Variants in SCRIB observed in about 807,000 individuals in gnomAD.
The protein encoded by SCRIB is protein scribble homolog.
In SCRIB, 72 loss-of-function variants were observed where a neutral mutation model predicts 170.0. The ratio of observed to expected loss-of-function variants is 0.42; its 90% confidence interval spans 0.35 to 0.52. SCRIB has a LOEUF of 0.52. Ranked by LOEUF, SCRIB falls within the 20% of genes least tolerant of loss-of-function variation. SCRIB has a pLI of 0.02. For synonymous variants in SCRIB, 1,298 were observed against 1,044.3 expected (o/e 1.24, Z -4.68); for missense variants, 2,475 against 2,338.5 (o/e 1.06, Z -1.20).
At chr8:143,795,387 G>A (rs781880706) in intron 25 of SCRIB, 33 bp downstream of exon 25, 6 of 1,612,674 alleles carry the variant, frequency 3.7e-6, no homozygotes, top group Admixed American at 1.7e-5. Context: ...GGGCTCCCTG[G>A]CCCTGGGGCT....
chr8:143,806,611 G>A, intron 17 of SCRIB, 127 bp from the exon 18 acceptor site: 1 of 763,348 alleles, frequency 1.3e-6, no homozygotes, highest in Non-Finnish European at 2.2e-6. Context: ...CAGGAGGACT[G>A]AGCTCTAGCC....
Position 143,813,462 on chromosome 8 carries a change from A to C in SCRIB, c.503+8T>G, listed in dbSNP as rs373614211. 2.5e-4 allele frequency: 411 copies of C among 1,613,092 alleles called. No homozygotes were observed. The highest frequency in any genetic ancestry group is 3.3e-4 in the Non-Finnish European group (391 of 1,179,988). On this transcript the variant is annotated splice_region_variant and intron_variant, in intron 5 of 36. Transcript: ENST00000356994. ...CCTGGCTGTTAGGAGAATGCCTGTC[A>C]CACTCACGCTGGCAGGGACTTGAGC...
chr8:143,815,407 G>A lies in SCRIB; in HGVS notation c.-35C>T, dbSNP rs767293346. On this transcript the variant is annotated 5_prime_UTR_variant, in exon 1 of 37. Coordinates refer to ENST00000356994, the MANE Select transcript of SCRIB (RefSeq NM_182706.5). ...GGGCGGCGCGGGCTCCGGCGGCGGC[G>A]CTCGGCGGGCTCGGGGCCGGGGGGC... is the stretch of plus-strand genomic sequence containing the variant. 16 of 1,256,584 alleles carry A rather than the reference G, an allele frequency of 1.3e-5. No homozygotes were observed. The highest frequency in any genetic ancestry group is 3.0e-5 in the South Asian group (1 of 33,620). 77.8% of individuals were successfully genotyped at this position (1,256,584 alleles called of 1,614,324 possible).
In SCRIB at chr8:143,791,247, A is replaced by T; in HGVS notation, c.4884T>A (p.Ala1628=). ...ACAGTGCCACATCTTCAGGGCCCACAGCGCCGGGTGAGGGCCTGCCCAGAA... is the reference window on the plus strand; with the variant it reads ...ACAGTGCCACATCTTCAGGGCCCACTGCGCCGGGTGAGGGCCTGCCCAGAA... ...LVLLGRPSPG[A]VGPEDVALCS... Residue 1628 remains alanine, a synonymous_variant, in exon 37 of 37, where the codon GCT becomes GCA. Transcript: ENST00000356994. 1 of 1,498,656 alleles carries T rather than the reference A, an allele frequency of 6.7e-7. No homozygotes were observed. The highest frequency in any genetic ancestry group is 8.9e-7 in the Non-Finnish European group (1 of 1,123,680). 92.8% of individuals were successfully genotyped at this position (1,498,656 alleles called of 1,614,324 possible). A position where few individuals can be genotyped will look rare whatever the true frequency, so the allele number is the denominator to read the frequency against.
At chr8:143,797,820 C>A (rs979542075) in intron 24 of SCRIB, among the ~76,000 whole-genome samples, 1 of 152,272 alleles carries the variant, frequency 6.6e-6, no homozygotes, top group East Asian at 1.9e-4. Context: ...CCAAGCCCCA[C>A]AGGGATCGGG....
At chr8:143,807,474 G>C in intron 16 of SCRIB, 78 bp downstream of exon 16, 1 of 1,138,784 alleles carries the variant, frequency 8.8e-7, no homozygotes, top group Admixed American at 1.7e-5. Context: ...CAACAGGGGC[G>C]GGGAGAGGCG....
Position 143,805,212 on chromosome 8 carries a change from AG to A in SCRIB, c.2569del (p.Leu857SerfsTer67). On this transcript the variant is annotated frameshift_variant, in exon 19 of 37. Transcript: ENST00000356994. LOFTEE classifies it high-confidence loss of function. ...PLLPPESPGP[L>X]RQRHVACLAR... The stretch of plus-strand genomic sequence containing the variant: ...CAGGCAGGCCACGTGGCGCTGACGG[AG>A]GGGCCCGGGGCTCTCAGGCGGGAGC... 6.4e-7 allele frequency: 1 copy of A among 1,557,732 alleles called. No individual in the cohort carries two copies. The highest frequency in any genetic ancestry group is 8.6e-7 in the Non-Finnish European group (1 of 1,156,606).
intron 26 of SCRIB, 39 bp from the exon 27 acceptor site, chr8:143,795,151 C>G (rs1814885890): frequency 6.2e-7 from 1 of 1,604,136 alleles, no homozygotes; most frequent in African/African-American, 1.3e-5. Context: ...AGGGGTAGCT[C>G]CGTGGCAGCA....
At chr8:143,805,883 G>A (rs781869445) in intron 18 of SCRIB, among the ~76,000 whole-genome samples, 8 of 152,190 alleles carry the variant, frequency 5.3e-5, no homozygotes, top group African/African-American at 1.2e-4. Context: ...CTGGGCAGAC[G>A]CCTCCTGGCT....
intron 24 of SCRIB, among the ~76,000 whole-genome samples, chr8:143,798,839 G>C (rs7836756): frequency 0.019 from 2,722 of 142,476 alleles, 83 homozygotes; most frequent in African/African-American, 0.065. Flanking sequence ...CCCACACCCA[G>C]CTCCCACCGA....
intron 14 of SCRIB, among the ~76,000 whole-genome samples, 153 bp downstream of exon 14, chr8:143,809,396 ACC>A (rs1815598370): frequency 6.6e-6 from 1 of 152,046 alleles, no homozygotes; most frequent in African/African-American, 2.4e-5. Context: ...ACGGCCCTGC[ACC>A]ACCCGTAGCC....
At position 143,813,533 on chromosome 8, in the gene SCRIB, G is replaced by T; in HGVS notation, c.447-7C>A. The T allele has an allele frequency of 6.2e-7, 1 of 1,613,250 alleles. No homozygotes were observed. The highest frequency in any genetic ancestry group is 8.5e-7 in the Non-Finnish European group (1 of 1,179,962). On this transcript the variant is annotated splice_polypyrimidine_tract_variant and splice_region_variant and intron_variant, in intron 4 of 36. Transcript: ENST00000356994. ...GGTCACCAGGTTGGCGAGGCTGAAAGAGAGACCAGGCGCTGGGGCAAGAGG... is the reference window on the plus strand; with the variant it reads ...GGTCACCAGGTTGGCGAGGCTGAAATAGAGACCAGGCGCTGGGGCAAGAGG...
At chr8:143,794,252 G>A in intron 27 of SCRIB, 1 of 436,878 alleles carries the variant, frequency 2.3e-6, no homozygotes, top group Non-Finnish European at 4.2e-6. Flanking sequence ...AGAGAGCAGG[G>A]AGGGCTCGGG....
rs782494046 is a variant in SCRIB, at chr8:143,803,935, G to A, written c.3126C>T (p.Leu1042=). 1 of 1,580,822 alleles carries A rather than the reference G, an allele frequency of 6.3e-7. No homozygotes were observed. The highest frequency in any genetic ancestry group is 8.6e-7 in the Non-Finnish European group (1 of 1,161,966). The change falls in exon 23 of 37, where the codon CTC becomes CTT. Residue 1042 remains leucine, a synonymous_variant. Transcript: ENST00000356994. ...QEPGVFISKV[L]PRGLAARSGL... is the part of the protein sequence containing the mutation. ...CGCTGCGAGCGGCCAGGCCCCGCGG[G>A]AGCACCTGTCAGGGAGGAGGGTGGC...
chr8:143,805,825 C>T (rs572899182), intron 18 of SCRIB, among the ~76,000 whole-genome samples: 15 of 152,316 alleles, frequency 9.8e-5, no homozygotes, highest in African/African-American at 2.4e-5. Flanking sequence ...AGCAGCAGTT[C>T]CCACGCAAAG....
At position 143,814,102 on chromosome 8, in the gene SCRIB, A is replaced by G. The variant is rs914964579; in HGVS notation, c.176T>C (p.Leu59Pro). 1 of 1,553,662 alleles carries G rather than the reference A, an allele frequency of 6.4e-7. No homozygotes were observed. The highest frequency in any genetic ancestry group is 8.7e-7 in the Non-Finnish European group (1 of 1,148,254). The change falls in exon 2 of 37, where the codon CTG becomes CCG. Residue 59 changes from leucine (L) to proline (P), a missense_variant. Coordinates refer to ENST00000356994, the MANE Select transcript of SCRIB (RefSeq NM_182706.5). Reference protein sequence around the residue: ...RELPKPFFRLLNLRKLGLSDN... With the variant: ...RELPKPFFRLPNLRKLGLSDN... ...GCTCAGGCCCAGCTTGCGCAAGTTC[A>G]GCAGCCGGAAAAAAGGCTGTGGGCA...
chr8:143,795,235 C>T (rs782644258), intron 26 of SCRIB, 42 bp downstream of exon 26: 1 of 1,611,170 alleles, frequency 6.2e-7, no homozygotes, highest in Non-Finnish European at 8.5e-7. Flanking sequence ...GTGCACCCCG[C>T]TCCAGTGCCC....
At chr8:143,808,254 T>A (rs1815521485) in intron 15 of SCRIB, among the ~76,000 whole-genome samples, 1 of 151,832 alleles carries the variant, frequency 6.6e-6, no homozygotes, top group South Asian at 2.1e-4. Context: ...CGCCAGCAGG[T>A]CGGGCAAATA....
In SCRIB at chr8:143,804,027, CCT is replaced by C. The variant is rs782148836; in HGVS notation, c.3120+17_3120+18del. On this transcript the variant is annotated intron_variant, in intron 22 of 36. Transcript: ENST00000356994. The stretch of plus-strand genomic sequence containing the variant: ...GATGGGTGCACCTCTCACAGAACCG[CCT>C]GGATGGGCCGCCCTACCTTGGAGAT... 1 of 1,594,494 alleles carries C rather than the reference CCT, an allele frequency of 6.3e-7. No homozygotes were observed. The highest frequency in any genetic ancestry group is 8.6e-7 in the Non-Finnish European group (1 of 1,167,896).
Sources: allele counts gnomAD v4.1 joint callset (sites outside exome capture counted in the v4.1 genomes callset), GRCh38; gene constraint gnomAD v4.1.1; transcripts MANE v1.5; gene names NCBI Gene and HGNC (gene_info 2026-07-23, HGNC 2026-07-21).